The following ATL1 variants were observed in gnomAD, a reference collection of about 807,000 sequenced individuals.
The protein encoded by ATL1 is atlastin-1.
Under a neutral mutation model 75.5 loss-of-function variants are expected in ATL1, and 31 were observed. That is an observed-to-expected ratio of 0.41 (90% CI 0.31 to 0.55). The LOEUF (loss-of-function observed/expected upper bound fraction) is 0.55, where lower values mean the gene tolerates loss of function less well. ATL1 is among the 20% of genes least tolerant of loss of function. The pLI is 0.27. For synonymous variants in ATL1, 226 were observed against 233.3 expected (o/e 0.97, Z 0.28); for missense variants, 405 against 662.6 (o/e 0.61, Z 4.27).
At chr14:50,557,714 A>T (rs1421675834), upstream of ATL1, among the ~76,000 whole-genome samples, 2 of 152,234 alleles carry the variant, frequency 1.3e-5, no homozygotes, top group African/African-American at 4.8e-5. Context: ...ACTTATGATT[A>T]AAAAGATGCA....
intron 1 of ATL1, among the ~76,000 whole-genome samples, chr14:50,587,615 G>A (rs2039114571): frequency 1.3e-5 from 2 of 151,222 alleles, no homozygotes; most frequent in African/African-American, 4.9e-5. Flanking sequence ...TCACTATGTT[G>A]CCCAGGGTGC....
intron 1 of ATL1, 146 bp downstream of exon 1, chr14:50,560,445 T>C: frequency 3.6e-6 from 4 of 1,111,632 alleles, no homozygotes; most frequent in Non-Finnish European, 5.3e-6. Context: ...CGCTCCCTGT[T>C]TGGGCGGAGG....
At chr14:50,628,685 A>T in intron 12 of ATL1, 2 of 693,324 alleles carry the variant, frequency 2.9e-6, no homozygotes. Flanking sequence ...CATTTAAAAA[A>T]ATATACATCA....
intron 11 of ATL1, among the ~76,000 whole-genome samples, chr14:50,625,521 T>G (rs1346618847): frequency 6.6e-6 from 1 of 152,226 alleles, no homozygotes; most frequent in Non-Finnish European, 1.5e-5. Flanking sequence ...GAGAGGTCAA[T>G]GCCTGGCTTC....
intron 4 of ATL1, among the ~76,000 whole-genome samples, chr14:50,592,913 C>CAAAAA (rs1172812271): frequency 3.0e-4 from 26 of 85,394 alleles, no homozygotes; most frequent in African/African-American, 1.2e-3. Context: ...ACTCCCGTCT[C>CAAAAA]AAAAAAAAAA....
At chr14:50,615,505 A>G (rs1279444499) in intron 8 of ATL1, among the ~76,000 whole-genome samples, 2 of 152,186 alleles carry the variant, frequency 1.3e-5, no homozygotes, top group African/African-American at 4.8e-5. Context: ...CTTACATTTA[A>G]CTTTGGCAGT....
At position 50,560,188 on chromosome 14, in the gene ATL1, A is replaced by T; in HGVS notation, c.-78A>T. On this transcript the variant is annotated 5_prime_UTR_variant, in exon 1 of 14. Coordinates refer to ENST00000358385, the MANE Select transcript of ATL1 (RefSeq NM_015915.5). ...GCCCAGCGCGGGCACGGAGCCTCCCACCGCCAGCAACCTGCGGCCCCGGAG... is the reference window on the plus strand; with the variant it reads ...GCCCAGCGCGGGCACGGAGCCTCCCTCCGCCAGCAACCTGCGGCCCCGGAG... 6.3e-7 allele frequency: 1 copy of T among 1,578,746 alleles called. No individual in the cohort carries two copies. Among genetic ancestry groups the T allele is most frequent in the Non-Finnish European group, 8.7e-7 (1 of 1,155,846 alleles).
chr14:50,554,066 C>CA (rs1046348590), intron 1 of ATL1, among the ~76,000 whole-genome samples: 4 of 149,868 alleles, frequency 2.7e-5, no homozygotes, highest in Admixed American at 1.3e-4. Flanking sequence ...ATTAATGTAA[C>CA]AAAAAAAATC....
At chr14:50,574,764 C>T (rs910507649) in intron 1 of ATL1, among the ~76,000 whole-genome samples, 1 of 151,330 alleles carries the variant, frequency 6.6e-6, no homozygotes, top group Non-Finnish European at 1.5e-5. Context: ...TTTACAGTAT[C>T]CTACAGTTAG....
Position 50,623,206 on chromosome 14 carries a change from C to T in ATL1, c.1077C>T (p.Ala359=), listed in dbSNP as rs762239498. The change falls in exon 11 of 14, where the codon GCC becomes GCT. Residue 359 remains alanine, a synonymous_variant. Transcript: ENST00000358385. ...CAGCAGAAGCTAACAATTTAGCAGC[C>T]GTGGCAACTGCCAAGGACACATACA... ...QATAEANNLA[A]VATAKDTYNK... is the part of the protein sequence containing the mutation. 3.1e-6 allele frequency: 5 copies of T among 1,613,700 alleles called. No individual in the cohort carries two copies. Among genetic ancestry groups the T allele is most frequent in the Admixed American group, 1.7e-5 (1 of 59,972 alleles).
At chr14:50,600,864 G>A (rs2039265173) in intron 6 of ATL1, among the ~76,000 whole-genome samples, 1 of 152,242 alleles carries the variant, frequency 6.6e-6, no homozygotes, top group East Asian at 1.9e-4. Flanking sequence ...TACTTTGGGA[G>A]GAGGAGGCAG....
At chr14:50,585,682 T>C (rs2039095031) in intron 1 of ATL1, among the ~76,000 whole-genome samples, 1 of 152,218 alleles carries the variant, frequency 6.6e-6, no homozygotes, top group Non-Finnish European at 1.5e-5. Context: ...ATGGGTACCA[T>C]TATGAATCTT....
chr14:50,581,028 T>G (rs1398103708), intron 1 of ATL1, among the ~76,000 whole-genome samples: 1 of 151,938 alleles, frequency 6.6e-6, no homozygotes. Context: ...GTAGGATCTA[T>G]AGTATCTTTT....
At chr14:50,603,190 T>C (rs1393958455) in intron 6 of ATL1, among the ~76,000 whole-genome samples, 1 of 152,200 alleles carries the variant, frequency 6.6e-6, no homozygotes, top group Admixed American at 6.5e-5. Context: ...CTTGAGCATA[T>C]ATTTTAGGAC....
At chr14:50,542,890 G>T (rs1011769229) in intron 1 of ATL1, among the ~76,000 whole-genome samples, 3 of 152,194 alleles carry the variant, frequency 2.0e-5, no homozygotes, top group Non-Finnish European at 4.4e-5. Context: ...AAGAAGAGCT[G>T]ATCTGAGGTA....
Position 50,591,070 on chromosome 14 carries a change from A to T in ATL1, c.412A>T (p.Lys138Ter). ...CTTCCTTATCAATAAACCTGATGGT[A>T]AAAAGGTATGATGCTAACTTCCTAA... is the stretch of plus-strand genomic sequence containing the variant. ...EIFLINKPDGKKVAVLLMDTQ... is the reference protein window; with the variant it reads ...EIFLINKPDG Residue 138 changes from lysine to a stop codon, truncating the protein, a stop_gained, in exon 3 of 14, where the codon AAA becomes TAA. Transcript: ENST00000358385. LOFTEE classifies it high-confidence loss of function. 6.2e-7 allele frequency: 1 copy of T among 1,613,080 alleles called. No individual in the cohort carries two copies. Among genetic ancestry groups the T allele is most frequent in the Non-Finnish European group, 8.5e-7 (1 of 1,179,492 alleles).
chr14:50,628,527 A>T, intron 12 of ATL1, 65 bp downstream of exon 12: 1 of 1,501,582 alleles, frequency 6.7e-7, no homozygotes, highest in Non-Finnish European at 9.1e-7. Context: ...TGTGCCAGCC[A>T]CTGCATTAGA....
intron 4 of ATL1, among the ~76,000 whole-genome samples, chr14:50,592,450 C>T (rs1015112368): frequency 1.5e-4 from 22 of 150,930 alleles, no homozygotes; most frequent in South Asian, 1.3e-3. Context: ...GCAACAAGGG[C>T]GTCATATATG....
intron 1 of ATL1, among the ~76,000 whole-genome samples, chr14:50,583,540 T>C (rs2039075632): frequency 6.6e-6 from 1 of 152,126 alleles, no homozygotes; most frequent in African/African-American, 2.4e-5. Flanking sequence ...CCCCAAATTA[T>C]AAAAACATTA....
Sources: gnomAD v4.1 joint callset for allele counts (sites outside exome capture counted in the v4.1 genomes callset) on GRCh38, gnomAD v4.1.1 for gene constraint, MANE v1.5 for transcripts, NCBI Gene and HGNC (gene_info 2026-07-23, HGNC 2026-07-21) for gene names.